The following CSMD1 variants were observed in gnomAD, a reference collection of about 807,000 sequenced individuals.
The protein encoded by CSMD1 is CUB and sushi domain-containing protein 1.
In CSMD1, 213 loss-of-function variants were observed where a neutral mutation model predicts 417.5. That is an observed-to-expected ratio of 0.51 (90% confidence interval 0.46 to 0.57). CSMD1 has a LOEUF of 0.57. Ranked by LOEUF, CSMD1 falls within the 20% of genes least tolerant of loss-of-function variation. The pLI, the probability that CSMD1 is intolerant of heterozygous loss-of-function variation, is 0.00. For missense variants in CSMD1, 6,923 were observed against 4,529.7 expected, an observed-to-expected ratio of 1.53 and a Z score of -15.17; for synonymous variants, 2,862 against 1,736.8, an observed-to-expected ratio of 1.65 and a Z score of -16.11.
intron 65 of CSMD1, among the ~76,000 whole-genome samples, chr8:2,952,883 C>A (rs565266387): frequency 6.6e-6 from 1 of 152,190 alleles, no homozygotes; most frequent in African/African-American, 2.4e-5. Context: ...CAGAGGTCAT[C>A]TTTCTGGGTC....
At chr8:4,295,030 A>G (rs923299621) in intron 3 of CSMD1, among the ~76,000 whole-genome samples, 1 of 148,926 alleles carries the variant, frequency 6.7e-6, no homozygotes, top group African/African-American at 2.5e-5. Flanking sequence ...ATATATACAT[A>G]TAATATATGT....
At chr8:4,757,900 A>C (rs1275816289) in intron 1 of CSMD1, among the ~76,000 whole-genome samples, 1 of 147,672 alleles carries the variant, frequency 6.8e-6, no homozygotes, top group Non-Finnish European at 1.5e-5. Context: ...CAGCGGTTGA[A>C]GGGAGCCGAC....
chr8:4,232,749 A>C (rs1237483567), intron 3 of CSMD1, among the ~76,000 whole-genome samples: 1 of 152,196 alleles, frequency 6.6e-6, no homozygotes, highest in Non-Finnish European at 1.5e-5. Flanking sequence ...GCCTTAATTC[A>C]CTGCTATCTG....
chr8:3,972,282 G>C (rs1475539678), intron 5 of CSMD1, among the ~76,000 whole-genome samples: 1 of 152,018 alleles, frequency 6.6e-6, no homozygotes, highest in African/African-American at 2.4e-5. Context: ...ATAAGTACTA[G>C]ATACATAAGG....
At chr8:3,409,273 A>T (rs1361337593) in intron 13 of CSMD1, 150 bp downstream of exon 13, 2 of 561,996 alleles carry the variant, frequency 3.6e-6, no homozygotes. Flanking sequence ...GGTGTTCGAG[A>T]ACGTCCTTGC....
chr8:3,541,370 C>A (rs1346710563), intron 10 of CSMD1, among the ~76,000 whole-genome samples: 2 of 151,924 alleles, frequency 1.3e-5, no homozygotes, highest in African/African-American at 4.8e-5. Flanking sequence ...GCACTGGGGC[C>A]TGTTGAGGGG....
rs560535325 is a variant in CSMD1 at position 4,744,336 on chromosome 8, G to A, written c.86-106778C>T. On this transcript the variant is annotated intron_variant, in intron 1 of 69. Transcript: ENST00000635120. ...CCTGAGTTCTACTGATGTGTGTGCT[G>A]TGCTAGCCACAACTTCTTTCCATTT... 3.7e-4 allele frequency among the ~76,000 whole-genome samples: 56 copies of A among 152,192 alleles called. No homozygotes were observed. In the South Asian group the frequency reaches 0.011, roughly 29 times the overall value.
At chr8:4,642,095 G>C (rs1177232040) in intron 1 of CSMD1, among the ~76,000 whole-genome samples, 1 of 152,222 alleles carries the variant, frequency 6.6e-6, no homozygotes, top group Non-Finnish European at 1.5e-5. Flanking sequence ...TGGTCAGCCT[G>C]TAGGTGCTAC....
intron 3 of CSMD1, among the ~76,000 whole-genome samples, chr8:4,316,877 C>G (rs975149459): frequency 6.6e-6 from 1 of 152,076 alleles, no homozygotes; most frequent in Non-Finnish European, 1.5e-5. Flanking sequence ...TGGTTATACT[C>G]CAAATCTTGG....
chr8:3,384,780 T>TAAATTATATA lies in CSMD1; in HGVS notation c.2782+2713_2782+2714insTATATAATTT, dbSNP rs1563333162. On this transcript the variant is annotated intron_variant, in intron 18 of 69. Coordinates refer to ENST00000635120, the MANE Select transcript of CSMD1 (RefSeq NM_033225.6). Reference sequence around the variant, plus strand: ...TAAATTATATAAATATATATTTATATAATATATATTAATATATGCTATTTA... The same window carrying TAAATTATATA: ...TAAATTATATAAATATATATTTATATAAATTATATAAATATATATTAATATATGCTATTTA... Among the ~76,000 whole-genome samples, 413 of 121,650 alleles carry TAAATTATATA rather than the reference T, an allele frequency of 3.4e-3. 4 individuals are homozygous for TAAATTATATA. Among genetic ancestry groups the TAAATTATATA allele is most frequent in the African/African-American group, 9.5e-3 (297 of 31,358 alleles). 79.8% of individuals were successfully genotyped at this position (121,650 alleles called of 152,430 possible).
chr8:3,509,309 C>G (rs576403414), intron 10 of CSMD1, among the ~76,000 whole-genome samples: 1 of 152,296 alleles, frequency 6.6e-6, no homozygotes, highest in South Asian at 2.1e-4. Flanking sequence ...TTTCCCCCAC[C>G]CATAGTTATA....
At chr8:3,854,159 TAAAAA>T (rs10712212) in intron 5 of CSMD1, among the ~76,000 whole-genome samples, 64 of 139,552 alleles carry the variant, frequency 4.6e-4, no homozygotes, top group African/African-American at 1.6e-3. Flanking sequence ...ATAATAATAA[TAAAAA>T]AAAAAAAACA....
intron 8 of CSMD1, among the ~76,000 whole-genome samples, chr8:3,604,987 A>G (rs1801539318): frequency 6.6e-6 from 1 of 152,166 alleles, no homozygotes; most frequent in Non-Finnish European, 1.5e-5. Context: ...ATGATTCAAT[A>G]ACACAACTTA....
At chr8:3,395,324 GT>G (rs1249371282) in intron 17 of CSMD1, among the ~76,000 whole-genome samples, 1 of 152,050 alleles carries the variant, frequency 6.6e-6, no homozygotes, top group Non-Finnish European at 1.5e-5. Flanking sequence ...CGCTTTTTCC[GT>G]GCTACTCTTT....
intron 5 of CSMD1, among the ~76,000 whole-genome samples, chr8:3,845,114 A>G (rs1245287782): frequency 6.6e-6 from 1 of 152,246 alleles, no homozygotes; most frequent in East Asian, 1.9e-4. Context: ...AGAAGTATCA[A>G]CTATAAGGCA....
intron 3 of CSMD1, among the ~76,000 whole-genome samples, chr8:4,291,254 T>C (rs1006054743): frequency 6.6e-6 from 1 of 152,036 alleles, no homozygotes; most frequent in African/African-American, 2.4e-5. Flanking sequence ...TATTAAGTAA[T>C]AAAGAAAATA....
At chr8:4,592,205 A>G (rs1054494929) in intron 2 of CSMD1, among the ~76,000 whole-genome samples, 10 of 151,222 alleles carry the variant, frequency 6.6e-5, no homozygotes, top group Admixed American at 6.6e-5. Flanking sequence ...CCCAACAAGA[A>G]TCTTCCTTTA....
intron 7 of CSMD1, among the ~76,000 whole-genome samples, chr8:3,647,805 A>C (rs1029957396): frequency 1.3e-5 from 2 of 152,226 alleles, no homozygotes; most frequent in African/African-American, 2.4e-5. Context: ...TGAAAAGTAA[A>C]TATGGCAAAT....
At chr8:4,522,254 A>G (rs1803497185) in intron 2 of CSMD1, among the ~76,000 whole-genome samples, 2 of 152,094 alleles carry the variant, frequency 1.3e-5, no homozygotes, top group Non-Finnish European at 2.9e-5. Flanking sequence ...GCTGCCATCC[A>G]CATAAGACGT....
Sources: gnomAD v4.1 joint callset for allele counts (sites outside exome capture counted in the v4.1 genomes callset) on GRCh38, gnomAD v4.1.1 for gene constraint, MANE v1.5 for transcripts, NCBI Gene and HGNC (gene_info 2026-07-23, HGNC 2026-07-21) for gene names.